ZFAND3: variants seen among roughly 807,000 people sequenced by gnomAD.
The protein encoded by ZFAND3 is AN1-type zinc finger protein 3.
A neutral mutation model predicts 29.6 loss-of-function variants in ZFAND3; 10 were observed. The observed-to-expected ratio is 0.34, with a 90% CI of 0.21 to 0.57. The LOEUF is 0.57. Among genes scored for constraint, ZFAND3 ranks in the 20% least tolerant of loss-of-function variants. The pLI is 0.86. For synonymous variants in ZFAND3, 128 were observed against 112.6 expected (o/e 1.14, Z -0.87); for missense variants, 230 against 304.5 (o/e 0.76, Z 1.82).
chr6:38,023,711 A>G (rs1477983709), intron 2 of ZFAND3, among the ~76,000 whole-genome samples: 1 of 152,222 alleles, frequency 6.6e-6, no homozygotes, highest in Admixed American at 6.5e-5. Flanking sequence ...TTGTCTGGAA[A>G]AATCCAGAAC....
chr6:37,880,646 C>T (rs1764875221), intron 1 of ZFAND3, among the ~76,000 whole-genome samples: 1 of 151,888 alleles, frequency 6.6e-6, no homozygotes. Flanking sequence ...TTGTACTTTA[C>T]AAAACATCTT....
At chr6:37,933,251 A>C (rs1470841195) in intron 2 of ZFAND3, among the ~76,000 whole-genome samples, 1 of 152,262 alleles carries the variant, frequency 6.6e-6, no homozygotes, top group Non-Finnish European at 1.5e-5. Flanking sequence ...TCTTTTCAAG[A>C]TTCCTTTTCA....
At chr6:38,147,161 C>T (rs1391228463) in intron 5 of ZFAND3, among the ~76,000 whole-genome samples, 1 of 152,200 alleles carries the variant, frequency 6.6e-6, no homozygotes, top group African/African-American at 2.4e-5. Context: ...TCCACATTCA[C>T]CCTCCCAGTC....
In ZFAND3 at chr6:37,880,919, CGTT is replaced by C. The variant is rs566403513; in HGVS notation, c.72-49038_72-49036del. On this transcript the variant is annotated intron_variant, in intron 1 of 5. Coordinates refer to ENST00000287218, the MANE Select transcript of ZFAND3 (RefSeq NM_021943.3). ...GAGATATACCTAATGATAGATGACA[CGTT>C]GGTGGGTGCAGCGCACCAGCATGGC... is the stretch of plus-strand genomic sequence containing the variant. Among the ~76,000 whole-genome samples the C allele has an allele frequency of 2.5e-3, 372 of 149,642 alleles. 1 individual carries two copies. The highest frequency in any genetic ancestry group is 8.2e-3 in the African/African-American group (334 of 40,680).
At chr6:37,934,477 G>C (rs1318739213) in intron 2 of ZFAND3, among the ~76,000 whole-genome samples, 2 of 149,878 alleles carry the variant, frequency 1.3e-5, no homozygotes, top group Non-Finnish European at 1.5e-5. Context: ...GAGGTAAAGT[G>C]GACTTAAATT....
intron 2 of ZFAND3, among the ~76,000 whole-genome samples, chr6:37,978,442 A>G (rs2127431391): frequency 6.6e-6 from 1 of 152,300 alleles, no homozygotes; most frequent in East Asian, 1.9e-4. Context: ...TTCTGAACTC[A>G]TAGAATGAGT....
intron 1 of ZFAND3, among the ~76,000 whole-genome samples, chr6:37,830,338 C>T (rs1261502319): frequency 1.3e-5 from 2 of 152,136 alleles, no homozygotes; most frequent in Non-Finnish European, 2.9e-5. Flanking sequence ...TGGCCACCAT[C>T]GTTTAGTCAA....
chr6:37,925,107 A>G (rs1006343732), intron 1 of ZFAND3, among the ~76,000 whole-genome samples: 1 of 152,094 alleles, frequency 6.6e-6, no homozygotes, highest in Non-Finnish European at 1.5e-5. Context: ...CCAGGTAAAA[A>G]GTTTGGATTT....
At chr6:37,983,462 T>G (rs951893466) in intron 2 of ZFAND3, among the ~76,000 whole-genome samples, 2 of 148,010 alleles carry the variant, frequency 1.4e-5, no homozygotes, top group Non-Finnish European at 3.0e-5. Flanking sequence ...GTTCAAGCTA[T>G]TCTCCTCCTG....
chr6:38,067,137 CAG>C (rs559922269), intron 3 of ZFAND3, among the ~76,000 whole-genome samples: 4 of 152,320 alleles, frequency 2.6e-5, no homozygotes, highest in East Asian at 1.9e-4. Flanking sequence ...TCATTATACA[CAG>C]GGGATTCGGC....
chr6:38,086,683 C>T (rs559282920), intron 4 of ZFAND3, among the ~76,000 whole-genome samples: 39 of 152,130 alleles, frequency 2.6e-4, no homozygotes, highest in Non-Finnish European at 4.6e-4. Context: ...ATACTGTAAC[C>T]GGAGTTACAG....
At chr6:38,048,534 A>G (rs915464075) in intron 2 of ZFAND3, among the ~76,000 whole-genome samples, 1 of 147,100 alleles carries the variant, frequency 6.8e-6, no homozygotes, top group Non-Finnish European at 1.5e-5. Context: ...AGGCAGGAGA[A>G]TGGCGTGAAC....
chr6:38,091,389 C>A (rs1265350035), intron 4 of ZFAND3, among the ~76,000 whole-genome samples: 1 of 151,530 alleles, frequency 6.6e-6, no homozygotes, highest in East Asian at 1.9e-4. Flanking sequence ...TTCTGTTGCT[C>A]CACTGGGGCA....
At chr6:38,119,261 T>G (rs1765481668) in intron 5 of ZFAND3, among the ~76,000 whole-genome samples, 1 of 152,128 alleles carries the variant, frequency 6.6e-6, no homozygotes, top group South Asian at 2.1e-4. Context: ...AAGGGTGAGT[T>G]GTACTGTTAT....
Position 38,116,676 on chromosome 6 carries a change from C to A in ZFAND3, c.466C>A (p.Arg156=). 1 of 1,614,146 alleles carries A rather than the reference C, an allele frequency of 6.2e-7. No homozygotes were observed. Residue 156 remains arginine, a synonymous_variant, in exon 5 of 6, where the codon CGG becomes AGG. Transcript: ENST00000287218. Reference sequence around the variant, plus strand: ...TCGATCTAAACAGAAGAGTCGACGTCGGTGCTTCCAGTGCCAAACCAAACT... The same window carrying A: ...TCGATCTAAACAGAAGAGTCGACGTAGGTGCTTCCAGTGCCAAACCAAACT... ...TSRSKQKSRR[R]CFQCQTKLEL... is the part of the protein sequence containing the mutation.
intron 1 of ZFAND3, among the ~76,000 whole-genome samples, chr6:37,870,552 T>G (rs1439344370): frequency 7.4e-6 from 1 of 134,658 alleles, no homozygotes; most frequent in Non-Finnish European, 1.5e-5. Context: ...TGAGCCAAGA[T>G]AGCACCATTG....
At position 37,895,489 on chromosome 6, in the gene ZFAND3, T is replaced by C. The variant is rs1177462028; in HGVS notation, c.72-34470T>C. ...TTTTTTTTTTTTTTTTTTTATCTTA[T>C]ATGTCTAGACTTAACTTTTTGAATT... On this transcript the variant is annotated intron_variant, in intron 1 of 5. Transcript: ENST00000287218. 1.1e-4 allele frequency among the ~76,000 whole-genome samples: 15 copies of C among 140,592 alleles called. 2 individuals are homozygous for C. In the South Asian group the frequency reaches 3.1e-3, roughly 29 times the overall value. The allele number at this position is 140,592 out of a possible 152,430, so 92.2% of individuals were successfully genotyped here.
intron 4 of ZFAND3, among the ~76,000 whole-genome samples, chr6:38,085,661 A>C: frequency 6.6e-6 from 1 of 151,974 alleles, no homozygotes; most frequent in East Asian, 1.9e-4. Context: ...ACTGGTCTCA[A>C]ACTCTTGAGC....
At chr6:37,916,414 C>T (rs1032455979) in intron 1 of ZFAND3, among the ~76,000 whole-genome samples, 1 of 151,998 alleles carries the variant, frequency 6.6e-6, no homozygotes, top group Admixed American at 6.5e-5. Flanking sequence ...AATCCCAGCA[C>T]TTTGAGAGGC....
Sources: gnomAD v4.1 joint callset for allele counts (sites outside exome capture counted in the v4.1 genomes callset) on GRCh38, gnomAD v4.1.1 for gene constraint, MANE v1.5 for transcripts, NCBI Gene and HGNC (gene_info 2026-07-23, HGNC 2026-07-21) for gene names.